Variants in TMEM61 observed in about 807,000 individuals in gnomAD.
The protein encoded by TMEM61 is transmembrane protein 61.
TMEM61 carries 13 observed loss-of-function variants against 12.0 expected under a neutral mutation model. That is an observed-to-expected ratio of 1.08 (90% confidence interval 0.70 to 1.72). The LOEUF (loss-of-function observed/expected upper bound fraction) is 1.72. Among genes scored for constraint, TMEM61 ranks in the 40% most tolerant of loss-of-function variants. The pLI is 0.00. For synonymous variants in TMEM61, 109 were observed against 121.4 expected (o/e 0.90, Z 0.67); for missense variants, 249 against 276.9 (o/e 0.90, Z 0.71).
intron 2 of TMEM61, 96 bp downstream of exon 2, chr1:54,986,542 CA>C: frequency 9.1e-7 from 1 of 1,102,168 alleles, no homozygotes; most frequent in Non-Finnish European, 1.3e-6. Flanking sequence ...AGCAAATTCT[CA>C]TGGGGTTCCT....
intron 2 of TMEM61, among the ~76,000 whole-genome samples, chr1:54,988,056 A>G (rs1644272497): frequency 6.6e-6 from 1 of 152,256 alleles, no homozygotes; most frequent in Non-Finnish European, 1.5e-5. Flanking sequence ...GTGTATTTAC[A>G]TAGCATTTAC....
At chr1:54,985,225 G>A (rs867137357) in intron 1 of TMEM61, among the ~76,000 whole-genome samples, 239 of 128,708 alleles carry the variant, frequency 1.9e-3, no homozygotes, top group East Asian at 9.0e-3. Flanking sequence ...GTGTATGTGT[G>A]TGTGTGTGTG....
intron 1 of TMEM61, among the ~76,000 whole-genome samples, chr1:54,985,219 ATGTGTGTG>A (rs35817239): frequency 2.0e-5 from 3 of 150,618 alleles, no homozygotes; most frequent in African/African-American, 7.3e-5. Flanking sequence ...GAACGTGTGT[ATGTGTGTG>A]TGTGTGTGTG....
chr1:54,989,653 G>A (rs1644282723), intron 2 of TMEM61, among the ~76,000 whole-genome samples: 1 of 152,238 alleles, frequency 6.6e-6, no homozygotes, highest in Non-Finnish European at 1.5e-5. Context: ...TGACCTTGGC[G>A]ACTTGGAGCT....
rs372167123 is a variant in TMEM61, at chr1:54,986,366, G to A, written c.285G>A (p.Gly95=). 1.4e-5 allele frequency: 22 copies of A among 1,613,222 alleles called. No individual in the cohort carries two copies. The highest frequency in any genetic ancestry group is 1.9e-5 in the Non-Finnish European group (22 of 1,179,536). ...LLWSVKASIP[G]PPRWDPYHLS... ...GGTCCGTCAAGGCCAGCATCCCAGG[G>A]CCACCTCGATGGGACCCCTATCACC... Residue 95 remains glycine, a synonymous_variant, in exon 2 of 3, where the codon GGG becomes GGA. Transcript: ENST00000371268.
rs200736187 is a variant in TMEM61, at chr1:54,986,346, G to A, written c.265G>A (p.Val89Ile). 4.9e-5 allele frequency: 79 copies of A among 1,613,822 alleles called. No individual in the cohort carries two copies. Among genetic ancestry groups the A allele is most frequent in the South Asian group, 8.8e-5 (8 of 91,058 alleles). The change falls in exon 2 of 3, where the codon GTC becomes ATC. Residue 89 changes from valine (V) to isoleucine (I), a missense_variant. Coordinates refer to ENST00000371268, the MANE Select transcript of TMEM61 (RefSeq NM_182532.3). ...GCTGCTCATTGGCCTGCTGTGGTCC[G>A]TCAAGGCCAGCATCCCAGGGCCACC... ...LLLLIGLLWS[V>I]KASIPGPPRW...
At position 54,986,213 on chromosome 1, in the gene TMEM61, C is replaced by T. The variant is rs778412005; in HGVS notation, c.132C>T (p.Thr44=). The T allele has an allele frequency of 6.5e-5, 105 of 1,613,712 alleles. No homozygotes were observed. Among genetic ancestry groups the T allele is most frequent in the Middle Eastern group, 3.3e-4 (2 of 6,084 alleles). Reference sequence around the variant, plus strand: ...CTTGGTGGAGCGAAGGGGATGCAACCGCCCAGCCTGGCCAGCTGGCCCCAC... The same window carrying T: ...CTTGGTGGAGCGAAGGGGATGCAACTGCCCAGCCTGGCCAGCTGGCCCCAC... ...CFAWWSEGDA[T]AQPGQLAPPT... The change falls in exon 2 of 3, where the codon ACC becomes ACT. Residue 44 remains threonine, a synonymous_variant. Transcript: ENST00000371268.
chr1:54,988,168 G>A (rs146273942), intron 2 of TMEM61, among the ~76,000 whole-genome samples: 2,198 of 152,378 alleles, frequency 0.014, 23 homozygotes, highest in Non-Finnish European at 0.023. Context: ...CCTAGCTGGT[G>A]ATACAGTGAG....
intron 2 of TMEM61, among the ~76,000 whole-genome samples, chr1:54,987,486 G>A (rs1341221435): frequency 6.6e-6 from 1 of 151,818 alleles, no homozygotes; most frequent in Non-Finnish European, 1.5e-5. Context: ...CTGTGTATTT[G>A]TTTATGTTCT....
chr1:54,989,010 G>C (rs950537807), intron 2 of TMEM61, among the ~76,000 whole-genome samples: 1 of 152,206 alleles, frequency 6.6e-6, no homozygotes, highest in East Asian at 1.9e-4. Flanking sequence ...AGGCTCAGAT[G>C]AGATGAGAGT....
At chr1:54,989,029 C>G (rs983193655) in intron 2 of TMEM61, among the ~76,000 whole-genome samples, 1 of 152,202 alleles carries the variant, frequency 6.6e-6, no homozygotes, top group African/African-American at 2.4e-5. Context: ...GTTAGGGAAG[C>G]GTGCACTCTG....
chr1:54,992,237 T>C lies in TMEM61; in HGVS notation c.*134T>C. On this transcript the variant is annotated 3_prime_UTR_variant, in exon 3 of 3. Transcript: ENST00000371268. ...GCTGTTCTATTTATCTATTGCTGTA[T>C]AACAAACCACCCCAGAATTTAGTGG... 8 of 1,079,574 alleles carry C rather than the reference T, an allele frequency of 7.4e-6. No homozygotes were observed. The highest frequency in any genetic ancestry group is 1.1e-5 in the Non-Finnish European group (8 of 758,310). 66.9% of individuals were successfully genotyped at this position (1,079,574 alleles called of 1,614,324 possible). A position where few individuals can be genotyped will look rare whatever the true frequency, so the allele number is the denominator to read the frequency against.
chr1:54,983,591 G>A (rs1175332602), intron 1 of TMEM61, among the ~76,000 whole-genome samples: 5 of 152,100 alleles, frequency 3.3e-5, no homozygotes, highest in Non-Finnish European at 7.3e-5. Context: ...TTTGGACCAG[G>A]TCCTTCACCT....
chr1:54,985,231 G>A (rs1209102755), intron 1 of TMEM61, among the ~76,000 whole-genome samples: 1 of 130,232 alleles, frequency 7.7e-6, no homozygotes, highest in Non-Finnish European at 1.8e-5. Flanking sequence ...GTGTGTGTGT[G>A]TGTGTGTGTG....
chr1:54,992,240 C>T lies in TMEM61; in HGVS notation c.*137C>T. On this transcript the variant is annotated 3_prime_UTR_variant, in exon 3 of 3. Transcript: ENST00000371268. ...GTTCTATTTATCTATTGCTGTATAA[C>T]AAACCACCCCAGAATTTAGTGGCTT... is the stretch of plus-strand genomic sequence containing the variant. 1.9e-6 allele frequency: 2 copies of T among 1,033,404 alleles called. No homozygotes were observed. Among genetic ancestry groups the T allele is most frequent in the East Asian group, 4.9e-5 (2 of 40,736 alleles). The allele number at this position is 1,033,404 out of a possible 1,614,324, so 64.0% of individuals were successfully genotyped here.
intron 1 of TMEM61, among the ~76,000 whole-genome samples, chr1:54,983,974 G>A (rs1644241635): frequency 6.6e-6 from 1 of 152,130 alleles, no homozygotes; most frequent in African/African-American, 2.4e-5. Context: ...GCATCCAGAG[G>A]TCTAGGGGTG....
At position 54,992,099 on chromosome 1, in the gene TMEM61, G is replaced by T. The variant is rs1384852140; in HGVS notation, c.629G>T (p.Ser210Ile). 2 of 1,611,144 alleles carry T rather than the reference G, an allele frequency of 1.2e-6. No individual in the cohort carries two copies. Among genetic ancestry groups the T allele is most frequent in the African/African-American group, 2.7e-5 (2 of 74,916 alleles). ...CTGGTTCAGACTGCACGGGGAGGAA[G>T]TTAAAGGCTCCTAGCAGGTCCTGAA... ...SGLVQTARGG[S>I] The change falls in exon 3 of 3, where the codon AGT becomes ATT. Residue 210 changes from serine to isoleucine, a missense_variant. Transcript: ENST00000371268.
intron 2 of TMEM61, among the ~76,000 whole-genome samples, chr1:54,988,136 G>A (rs1205198741): frequency 6.6e-6 from 1 of 152,244 alleles, no homozygotes; most frequent in Non-Finnish European, 1.5e-5. Context: ...TGAGAGACCT[G>A]GGTCTCAGAA....
chr1:54,985,102 TATTA>T (rs1644248682), intron 1 of TMEM61, among the ~76,000 whole-genome samples: 1 of 152,236 alleles, frequency 6.6e-6, no homozygotes, highest in South Asian at 2.1e-4. Context: ...AATGGGCTAA[TATTA>T]ATTATTCATT....
Sources: gnomAD v4.1 joint callset for allele counts (sites outside exome capture counted in the v4.1 genomes callset) on GRCh38, gnomAD v4.1.1 for gene constraint, MANE v1.5 for transcripts, NCBI Gene and HGNC (gene_info 2026-07-23, HGNC 2026-07-21) for gene names.